Variants in DGKB observed in about 807,000 individuals in gnomAD.
DGKB encodes 90 kDa diacylglycerol kinase.
In DGKB, 67 loss-of-function variants were observed where a neutral mutation model predicts 114.3. The ratio of observed to expected loss-of-function variants is 0.59; its 90% CI spans 0.48 to 0.72. The LOEUF is 0.72. Among genes scored for constraint, DGKB ranks in the 30% least tolerant of loss-of-function variants. The pLI, the probability that DGKB is intolerant of heterozygous loss-of-function variation, is 0.00. For missense variants in DGKB, 907 were observed against 975.2 expected, an observed-to-expected ratio of 0.93 and a Z score of 0.93; for synonymous variants, 398 against 323.1, an observed-to-expected ratio of 1.23 and a Z score of -2.49.
At chr7:14,630,293 G>A (rs765075548) in intron 13 of DGKB, 25 bp from the exon 14 acceptor site, 1 of 1,540,224 alleles carries the variant, frequency 6.5e-7, no homozygotes, top group East Asian at 2.4e-5. Context: ...AAGTTCATAT[G>A]AAAGCTGAAA....
At chr7:14,606,833 T>G (rs1804605373) in intron 17 of DGKB, among the ~76,000 whole-genome samples, 1 of 152,082 alleles carries the variant, frequency 6.6e-6, no homozygotes, top group Non-Finnish European at 1.5e-5. Context: ...AACAATGAAG[T>G]ATAAGAGAGT....
At chr7:14,746,420 T>C (rs1017843624) in intron 4 of DGKB, among the ~76,000 whole-genome samples, 2 of 152,188 alleles carry the variant, frequency 1.3e-5, no homozygotes, top group Admixed American at 1.3e-4. Flanking sequence ...GCACATAATA[T>C]ATAAAATAAA....
chr7:14,958,566 T>C (rs1252638104), intron 1 of DGKB, among the ~76,000 whole-genome samples: 1 of 152,032 alleles, frequency 6.6e-6, no homozygotes, highest in East Asian at 1.9e-4. Context: ...CCTTTAATTA[T>C]TGGCTTTATG....
At chr7:14,408,692 A>C (rs1824350779) in intron 21 of DGKB, among the ~76,000 whole-genome samples, 1 of 152,128 alleles carries the variant, frequency 6.6e-6, no homozygotes, top group Non-Finnish European at 1.5e-5. Context: ...TTACTTGATA[A>C]TGAATCCAAG....
chr7:14,705,131 G>A (rs376198879), intron 6 of DGKB, among the ~76,000 whole-genome samples: 1 of 151,720 alleles, frequency 6.6e-6, no homozygotes, highest in Non-Finnish European at 1.5e-5. Flanking sequence ...TAAAGGAGCT[G>A]ATGGAGCTGA....
chr7:14,827,758 TCTC>T (rs1214593723), intron 2 of DGKB, among the ~76,000 whole-genome samples: 2 of 152,026 alleles, frequency 1.3e-5, no homozygotes, highest in Non-Finnish European at 2.9e-5. Context: ...ATCTGGGTAA[TCTC>T]CACACAGATC....
intron 1 of DGKB, among the ~76,000 whole-genome samples, chr7:14,857,258 T>TGTGTGTGTGTGTGTG (rs1850297654): frequency 2.4e-4 from 33 of 138,356 alleles, no homozygotes; most frequent in African/African-American, 8.9e-4. Flanking sequence ...CTGTGTGTGT[T>TGTGTGTGTGTGTGTG]TGTGTGTGTG....
At chr7:14,876,623 T>G (rs1218218058) in intron 1 of DGKB, among the ~76,000 whole-genome samples, 1 of 152,212 alleles carries the variant, frequency 6.6e-6, no homozygotes, top group African/African-American at 2.4e-5. Context: ...AGTTTTATAT[T>G]GTTGTTTTTA....
In DGKB at chr7:14,574,378, G is replaced by A. The variant is rs200134213; in HGVS notation, c.1610-6C>T. On this transcript the variant is annotated splice_polypyrimidine_tract_variant and splice_region_variant and intron_variant, in intron 19 of 25. Transcript: ENST00000402815. ...CAGATTCTCACCTTCGTAACCTAGT[G>A]GGAAAAAAAAATACCTTGAGAAAAG... 3.1e-6 allele frequency: 5 copies of A among 1,590,868 alleles called. No homozygotes were observed. Among genetic ancestry groups the A allele is most frequent in the Admixed American group, 3.6e-5 (2 of 55,244 alleles).
intron 2 of DGKB, among the ~76,000 whole-genome samples, chr7:14,839,904 C>T (rs944443531): frequency 1.3e-5 from 2 of 151,802 alleles, no homozygotes; most frequent in Admixed American, 6.6e-5. Flanking sequence ...ATTCTCATAC[C>T]CTCATTCAAT....
chr7:14,469,854 T>C (rs555056969), intron 21 of DGKB, among the ~76,000 whole-genome samples: 37 of 152,000 alleles, frequency 2.4e-4, no homozygotes, highest in African/African-American at 8.9e-4. Flanking sequence ...TATGATAAAA[T>C]GAAAACTCTT....
chr7:14,834,453 T>C (rs761491503), intron 2 of DGKB, among the ~76,000 whole-genome samples: 10 of 152,168 alleles, frequency 6.6e-5, no homozygotes, highest in Non-Finnish European at 1.3e-4. Context: ...AATATGGTCA[T>C]GTGAATTGCT....
chr7:14,215,062 T>C (rs775105472), intron 23 of DGKB, among the ~76,000 whole-genome samples: 1 of 152,130 alleles, frequency 6.6e-6, no homozygotes, highest in Non-Finnish European at 1.5e-5. Context: ...CCTACACTCA[T>C]CCTGATGGCA....
At chr7:14,575,464 G>A (rs1156953387) in intron 19 of DGKB, among the ~76,000 whole-genome samples, 1 of 152,140 alleles carries the variant, frequency 6.6e-6, no homozygotes, top group East Asian at 1.9e-4. Context: ...AGTTATCACT[G>A]CAGCCTAACC....
intron 13 of DGKB, among the ~76,000 whole-genome samples, chr7:14,632,402 A>G (rs1473500722): frequency 6.6e-6 from 1 of 151,576 alleles, no homozygotes; most frequent in Non-Finnish European, 1.5e-5. Context: ...ATATATATAT[A>G]CACATACATA....
intron 1 of DGKB, among the ~76,000 whole-genome samples, chr7:14,944,080 A>G (rs537352588): frequency 5.5e-4 from 84 of 151,952 alleles, no homozygotes; most frequent in Middle Eastern, 6.8e-3. Flanking sequence ...ATAATATTTC[A>G]TTCTATTACC....
At chr7:14,606,226 C>T (rs1385193733) in intron 17 of DGKB, among the ~76,000 whole-genome samples, 1 of 152,004 alleles carries the variant, frequency 6.6e-6, no homozygotes, top group East Asian at 1.9e-4. Context: ...GGACTTCCTG[C>T]ATGTAGCTAG....
At position 14,607,157 on chromosome 7, in the gene DGKB, C is replaced by CGTGT. The variant is rs71004316; in HGVS notation, c.1433+273_1433+276dup. Among the ~76,000 whole-genome samples the CGTGT allele has an allele frequency of 9.6e-3, 1,417 of 147,976 alleles. 13 individuals carry two copies. Among genetic ancestry groups the CGTGT allele is most frequent in the South Asian group, 0.016 (75 of 4,664 alleles). ...TCAAACTGGCATTCAGCTAGTTTGTCGTGTGTGTGTGTGTGTGTGTGTGTG... is the reference window on the plus strand; with the variant it reads ...TCAAACTGGCATTCAGCTAGTTTGTCGTGTGTGTGTGTGTGTGTGTGTGTGTGTG... On this transcript the variant is annotated intron_variant, in intron 17 of 25. Coordinates refer to ENST00000402815, the MANE Select transcript of DGKB (RefSeq NM_001350709.2).
At chr7:14,488,736 G>A (rs1784180452) in intron 20 of DGKB, among the ~76,000 whole-genome samples, 1 of 151,168 alleles carries the variant, frequency 6.6e-6, no homozygotes, top group African/African-American at 2.4e-5. Flanking sequence ...GCTGAGGCAG[G>A]AGAATCGCTT....
Sources: allele counts gnomAD v4.1 joint callset (sites outside exome capture counted in the v4.1 genomes callset), GRCh38; gene constraint gnomAD v4.1.1; transcripts MANE v1.5; gene names NCBI Gene and HGNC (gene_info 2026-07-23, HGNC 2026-07-21).